The following ACER2 variants were observed in gnomAD, a reference collection of about 807,000 sequenced individuals.
ACER2 encodes the protein alkCDase 2.
ACER2 carries 26 observed loss-of-function variants against 34.7 expected under a neutral mutation model. The observed-to-expected ratio is 0.75, with a 90% CI of 0.55 to 1.04. The LOEUF is 1.04. ACER2 is among the 50% of genes least tolerant of loss of function. The probability of loss-of-function intolerance (pLI) is 0.00; values close to 1 mark genes in which losing one functional copy is unlikely to be tolerated. For missense variants in ACER2, 352 were observed against 340.8 expected (o/e 1.03, Z -0.26); for synonymous variants, 138 against 132.1 (o/e 1.04, Z -0.31).
chr9:19,415,063 G>A (rs1040033985), intron 1 of ACER2, among the ~76,000 whole-genome samples: 1 of 152,052 alleles, frequency 6.6e-6, no homozygotes, highest in Non-Finnish European at 1.5e-5. Flanking sequence ...ATATGTTGAC[G>A]TCTTTAAAAG....
chr9:19,442,430 C>G (rs900964130), intron 4 of ACER2, among the ~76,000 whole-genome samples: 3 of 152,214 alleles, frequency 2.0e-5, no homozygotes, highest in Non-Finnish European at 4.4e-5. Context: ...GCAAATAAGG[C>G]TGGTCAGCAG....
At chr9:19,435,324 A>T (rs1408574176) in intron 4 of ACER2, among the ~76,000 whole-genome samples, 7 of 152,228 alleles carry the variant, frequency 4.6e-5, no homozygotes, top group Non-Finnish European at 1.0e-4. Flanking sequence ...AAGCTAGCTT[A>T]CCAGGACCAT....
chr9:19,424,668 G>C, intron 2 of ACER2, 32 bp from the exon 3 acceptor site: 1 of 1,611,634 alleles, frequency 6.2e-7, no homozygotes, highest in Non-Finnish European at 8.5e-7. Flanking sequence ...CTTCTGTGGT[G>C]ACCTTTTTTT....
rs908256028 is a variant in ACER2, at chr9:19,418,598, C to A, written c.109-5264C>A. Among the ~76,000 whole-genome samples the A allele has an allele frequency of 3.3e-5, 5 of 152,116 alleles. No individual in the cohort carries two copies. The East Asian group carries it at 7.7e-4, about 23-fold the overall frequency. On this transcript the variant is annotated intron_variant, in intron 1 of 5. Transcript: ENST00000340967. ...TATTCTCAGCAAACTAACACAGGAA[C>A]AGAAAACCAAACACTGTATGTTCTC... is the stretch of plus-strand genomic sequence containing the variant.
chr9:19,412,596 A>G (rs1830116619), intron 1 of ACER2, among the ~76,000 whole-genome samples: 1 of 150,502 alleles, frequency 6.6e-6, no homozygotes, highest in Admixed American at 6.6e-5. Context: ...TGAAGGTTGC[A>G]GTAAGCTGAG....
intron 1 of ACER2, among the ~76,000 whole-genome samples, chr9:19,421,751 G>A (rs1260122805): frequency 6.6e-6 from 1 of 151,660 alleles, no homozygotes; most frequent in Admixed American, 6.6e-5. Flanking sequence ...TATGGTATGT[G>A]AATTTTACCT....
intron 4 of ACER2, among the ~76,000 whole-genome samples, chr9:19,441,801 G>A (rs918606836): frequency 2.0e-5 from 3 of 152,058 alleles, no homozygotes; most frequent in South Asian, 2.1e-4. Flanking sequence ...AAGAAAAGAC[G>A]GTTGTTTCCC....
At chr9:19,441,478 A>C (rs1266112294) in intron 4 of ACER2, among the ~76,000 whole-genome samples, 1 of 151,712 alleles carries the variant, frequency 6.6e-6, no homozygotes, top group African/African-American at 2.4e-5. Context: ...ATCCTCAGCC[A>C]CTCTGACCTT....
Position 19,450,510 on chromosome 9 carries a change from T to A in ACER2, c.702T>A (p.Ala234=). Residue 234 remains alanine (A), a synonymous_variant, in exon 6 of 6, where the codon GCT becomes GCA. Coordinates refer to ENST00000340967, the MANE Select transcript of ACER2 (RefSeq NM_001010887.3). The part of the protein sequence containing the change: ...LGCVCFAYFD[A]ASEIPEQGPV... ...GTGTATGCTTTGCCTACTTTGATGC[T>A]GCCTCAGAGATTCCTGAGCAAGGCC... 1 of 1,612,388 alleles carries A rather than the reference T, an allele frequency of 6.2e-7. No individual in the cohort carries two copies. Among genetic ancestry groups the A allele is most frequent in the Non-Finnish European group, 8.5e-7 (1 of 1,178,614 alleles).
chr9:19,434,017 G>A lies in ACER2; in HGVS notation c.366-930G>A, dbSNP rs548860500. On this transcript the variant is annotated intron_variant, in intron 3 of 5. Coordinates refer to ENST00000340967, the MANE Select transcript of ACER2 (RefSeq NM_001010887.3). ...CGGAGACGCTCCTCACTTCTCAGAC[G>A]GGGCGGCTGCCGGGCGGAGGGTCTC... 6.3e-4 allele frequency among the ~76,000 whole-genome samples: 93 copies of A among 147,588 alleles called. No individual in the cohort carries two copies. The East Asian group carries it at 0.014, about 23-fold the overall frequency.
At chr9:19,436,539 C>CT in intron 4 of ACER2, among the ~76,000 whole-genome samples, 1 of 128,752 alleles carries the variant, frequency 7.8e-6, no homozygotes, top group East Asian at 2.2e-4. Flanking sequence ...TCTTTGCCAT[C>CT]TTTAAAAAAA....
chr9:19,420,414 A>C (rs1437573965), intron 1 of ACER2, among the ~76,000 whole-genome samples: 2 of 152,204 alleles, frequency 1.3e-5, no homozygotes, highest in African/African-American at 4.8e-5. Flanking sequence ...CTCTGTGCTC[A>C]GTCCTGTACA....
chr9:19,450,609 C>A lies in ACER2; in HGVS notation c.801C>A (p.Asn267Lys), dbSNP rs371832847. Reference sequence around the variant, plus strand: ...CCTATGTGTCCCTCCTGTGTGCCAACAAGAAATCATCAGTCAAGATCACGT... The same window carrying A: ...CCTATGTGTCCCTCCTGTGTGCCAAAAAGAAATCATCAGTCAAGATCACGT... ...GVPYVSLLCA[N>K]KKSSVKIT The change falls in exon 6 of 6, where the codon AAC becomes AAA. Residue 267 changes from asparagine (N) to lysine (K), a missense_variant. Asn to Lys is a moderately conservative substitution (Grantham distance 94). Coordinates refer to ENST00000340967, the MANE Select transcript of ACER2 (RefSeq NM_001010887.3). 1.9e-6 allele frequency: 3 copies of A among 1,579,722 alleles called. No individual in the cohort carries two copies. Among genetic ancestry groups the A allele is most frequent in the Admixed American group, 1.7e-5 (1 of 59,606 alleles).
At chr9:19,434,757 ACC>A (rs1458725380) in intron 3 of ACER2, among the ~76,000 whole-genome samples, 188 bp from the exon 4 acceptor site, 1 of 137,978 alleles carries the variant, frequency 7.2e-6, no homozygotes, top group African/African-American at 2.9e-5. Flanking sequence ...TGAGAGGGAG[ACC>A]CTCTCTTTTT....
intron 3 of ACER2, among the ~76,000 whole-genome samples, chr9:19,434,462 C>T (rs1277080514): frequency 6.6e-6 from 1 of 152,264 alleles, no homozygotes; most frequent in Non-Finnish European, 1.5e-5. Context: ...GATCACGCCA[C>T]TGCACTCCAG....
At chr9:19,416,156 CTCTT>C (rs1485487170) in intron 1 of ACER2, among the ~76,000 whole-genome samples, 1 of 151,122 alleles carries the variant, frequency 6.6e-6, no homozygotes, top group African/African-American at 2.4e-5. Context: ...TTTTCTTCTC[CTCTT>C]TCTTCACTCC....
At chr9:19,422,757 G>A (rs747074872) in intron 1 of ACER2, among the ~76,000 whole-genome samples, 1 of 151,644 alleles carries the variant, frequency 6.6e-6, no homozygotes, top group Non-Finnish European at 1.5e-5. Context: ...GCAGGCGGGC[G>A]CAGTGGCTCA....
chr9:19,425,304 A>G (rs1304368888), intron 3 of ACER2, among the ~76,000 whole-genome samples: 1 of 152,086 alleles, frequency 6.6e-6, no homozygotes, highest in African/African-American at 2.4e-5. Context: ...TTTGCTTCAG[A>G]TGAGAGCTGT....
chr9:19,414,376 G>C (rs565290611), intron 1 of ACER2, among the ~76,000 whole-genome samples: 1 of 152,216 alleles, frequency 6.6e-6, no homozygotes, highest in Non-Finnish European at 1.5e-5. Context: ...TGTCTGGAAA[G>C]TGCACATTCA....
Sources: allele counts gnomAD v4.1 joint callset (sites outside exome capture counted in the v4.1 genomes callset), GRCh38; gene constraint gnomAD v4.1.1; transcripts MANE v1.5; gene names NCBI Gene and HGNC (gene_info 2026-07-23, HGNC 2026-07-21).